Variants in TRPM7 observed in about 807,000 individuals in gnomAD.
The protein encoded by TRPM7 is transient receptor potential cation channel subfamily M member 7.
A neutral mutation model predicts 229.7 loss-of-function variants in TRPM7; 134 were observed. The ratio of observed to expected loss-of-function variants is 0.58; its 90% confidence interval spans 0.51 to 0.67. The LOEUF (loss-of-function observed/expected upper bound fraction) is 0.67, where lower values mean the gene tolerates loss of function less well. TRPM7 is among the 30% of genes least tolerant of loss of function. TRPM7 has a pLI of 0.00. For synonymous variants in TRPM7, 699 were observed against 715.2 expected (o/e 0.98, Z 0.36); for missense variants, 1,901 against 2,210.0 (o/e 0.86, Z 2.80).
chr15:50,670,228 C>T (rs941341686), intron 1 of TRPM7, among the ~76,000 whole-genome samples: 1 of 152,012 alleles, frequency 6.6e-6, no homozygotes, highest in African/African-American at 2.4e-5. Flanking sequence ...GAAGGATTCT[C>T]TTATAAAAGA....
Position 50,560,839 on chromosome 15 carries a change from G to C in TRPM7, c.*839C>G, listed in dbSNP as rs2053281820. The C allele has an allele frequency of 6.6e-6, 1 of 152,598 alleles. No homozygotes were observed. Among genetic ancestry groups the C allele is most frequent in the African/African-American group, 2.4e-5 (1 of 41,452 alleles). The allele number at this position is 152,598 out of a possible 1,614,324, so 9.5% of individuals were successfully genotyped here. The stretch of plus-strand genomic sequence containing the variant: ...AGAAGTTTGTAAGTTCTGGGTTGTT[G>C]CTATAGATACAGATAGGGAAAAAAG... On this transcript the variant is annotated 3_prime_UTR_variant, in exon 39 of 39. Transcript: ENST00000646667.
In TRPM7 at chr15:50,686,673, A is replaced by C. The variant is rs1290392387; in HGVS notation, c.-140T>G. 1 of 1,154,614 alleles carries C rather than the reference A, an allele frequency of 8.7e-7. No homozygotes were observed. Among genetic ancestry groups the C allele is most frequent in the Non-Finnish European group, 1.2e-6 (1 of 827,472 alleles). The allele number at this position is 1,154,614 out of a possible 1,614,324, so 71.5% of individuals were successfully genotyped here. A position where few individuals can be genotyped will look rare whatever the true frequency, so the allele number is the denominator to read the frequency against. Reference sequence around the variant, plus strand: ...GGAACGCCCAGGGAAACCTTCTCAGAACTAACTCAGCTCCGGCGCTAGCAG... The same window carrying C: ...GGAACGCCCAGGGAAACCTTCTCAGCACTAACTCAGCTCCGGCGCTAGCAG... On this transcript the variant is annotated 5_prime_UTR_variant, in exon 1 of 39. Coordinates refer to ENST00000646667, the MANE Select transcript of TRPM7 (RefSeq NM_017672.6).
At chr15:50,679,202 G>A (rs1325944484) in intron 1 of TRPM7, among the ~76,000 whole-genome samples, 3 of 134,748 alleles carry the variant, frequency 2.2e-5, no homozygotes, top group Non-Finnish European at 3.2e-5. Flanking sequence ...CAGGTTGGTG[G>A]TATGGGCCTG....
chr15:50,611,279 G>A lies in TRPM7; in HGVS notation c.2094C>T (p.Phe698=), dbSNP rs779890607. The change falls in exon 17 of 39, where the codon TTC becomes TTT. Residue 698 remains phenylalanine, a synonymous_variant. Transcript: ENST00000646667. Reference sequence around the variant, plus strand: ...TCATAGCCATGGTTTCATCTTGTCTGAAGGACTGTTCTAATAATTCAACGG... The same window carrying A: ...TCATAGCCATGGTTTCATCTTGTCTAAAGGACTGTTCTAATAATTCAACGG... ...QLAVELLEQS[F]RQDETMAMKL... 2 of 1,613,866 alleles carry A rather than the reference G, an allele frequency of 1.2e-6. No individual in the cohort carries two copies. The highest frequency in any genetic ancestry group is 1.7e-6 in the Non-Finnish European group (2 of 1,179,896).
intron 1 of TRPM7, among the ~76,000 whole-genome samples, chr15:50,675,750 A>C (rs1169968974): frequency 6.6e-6 from 1 of 152,224 alleles, no homozygotes; most frequent in Non-Finnish European, 1.5e-5. Context: ...CTACAAACAC[A>C]AATCTGAAAA....
rs779398000 is a variant in TRPM7 at position 50,574,305 on chromosome 15, T to G, written c.5277A>C (p.Thr1759=). 1.2e-6 allele frequency: 2 copies of G among 1,613,860 alleles called. No homozygotes were observed. Among genetic ancestry groups the G allele is most frequent in the African/African-American group, 2.7e-5 (2 of 74,904 alleles). The change falls in exon 36 of 39, where the codon ACA becomes ACC. Residue 1759 remains threonine (T), a synonymous_variant. Transcript: ENST00000646667. The part of the protein sequence containing the change: ...LAFSHWTYEY[T]RGELLVLDLQ... The stretch of plus-strand genomic sequence containing the variant: ...AATCAAGTACCAGTAACTCCCCTCT[T>G]GTATATTCGTAAGTCCAGTGGCTAA...
At position 50,592,270 on chromosome 15, in the gene TRPM7, T is replaced by C. The variant is rs367567005; in HGVS notation, c.3965A>G (p.Asp1322Gly). The change falls in exon 26 of 39, where the codon GAC (aspartate) becomes GGC (glycine). Residue 1322 changes from aspartate (D) to glycine (G), a missense_variant. Physicochemically the swap from Asp to Gly is moderately conservative, Grantham distance 94. Transcript: ENST00000646667. ...AAATATATTACACTGGGGATCTTTG[T>C]CATCTTTCATTAAAATATTACAATG... ...PFHCNILMKD[D>G]KDPQCNIFGQ... The C allele has an allele frequency of 3.5e-5, 56 of 1,613,944 alleles. No individual in the cohort carries two copies. The African/African-American group carries it at 7.2e-4, about 21-fold the overall frequency.
In TRPM7 at chr15:50,685,158, G is replaced by C. The variant is rs553348028; in HGVS notation, c.3+1373C>G. On this transcript the variant is annotated intron_variant, in intron 1 of 38. Coordinates refer to ENST00000646667, the MANE Select transcript of TRPM7 (RefSeq NM_017672.6). ...GTAGTTCATTCTACAATGTATCTTT[G>C]CAAGTTTGAAATCTCCCATGTTGGC... is the stretch of plus-strand genomic sequence containing the variant. 3.3e-5 allele frequency among the ~76,000 whole-genome samples: 5 copies of C among 152,330 alleles called. No individual in the cohort carries two copies. In the East Asian group the frequency reaches 5.8e-4, roughly 18 times the overall value.
chr15:50,639,495 G>T lies in TRPM7; in HGVS notation c.589C>A (p.Arg197=). The change falls in exon 6 of 39, where the codon CGA becomes AGA. Residue 197 remains arginine, a synonymous_variant. Transcript: ENST00000646667. Reference sequence around the variant, plus strand: ...GCTATTCCGATAGTGCAAATCTTTCGAGATGATCTGGAAGCATGTTCTTTG... The same window carrying T: ...GCTATTCCGATAGTGCAAATCTTTCTAGATGATCTGGAAGCATGTTCTTTG... ...ALKEHASRSS[R]KICTIGIAPW... 6.2e-7 allele frequency: 1 copy of T among 1,611,332 alleles called. No homozygotes were observed. Among genetic ancestry groups the T allele is most frequent in the Non-Finnish European group, 8.5e-7 (1 of 1,178,252 alleles).
chr15:50,622,904 G>C (rs2060452232), intron 12 of TRPM7, among the ~76,000 whole-genome samples: 1 of 151,928 alleles, frequency 6.6e-6, no homozygotes, highest in Non-Finnish European at 1.5e-5. Flanking sequence ...AAAAAAAAGG[G>C]AGAAAATGAG....
intron 7 of TRPM7, among the ~76,000 whole-genome samples, chr15:50,637,129 GAA>G (rs34279292): frequency 3.0e-5 from 4 of 133,218 alleles, no homozygotes; most frequent in Non-Finnish European, 1.6e-5. Flanking sequence ...CCGCCTCAAA[GAA>G]AAAAAAAAAA....
intron 12 of TRPM7, among the ~76,000 whole-genome samples, chr15:50,623,261 A>C (rs759109650): frequency 2.6e-5 from 4 of 151,288 alleles, no homozygotes; most frequent in Non-Finnish European, 4.4e-5. Context: ...AAAACACAAA[A>C]ATTAGCTGGG....
intron 29 of TRPM7, among the ~76,000 whole-genome samples, chr15:50,581,841 C>A (rs192569441): frequency 6.6e-6 from 1 of 152,108 alleles, no homozygotes; most frequent in Admixed American, 6.5e-5. Flanking sequence ...TGTCTCTTTA[C>A]CTTTAATATA....
At chr15:50,617,908 C>T (rs529564377) in intron 13 of TRPM7, among the ~76,000 whole-genome samples, 3 of 152,254 alleles carry the variant, frequency 2.0e-5, no homozygotes, top group Admixed American at 6.5e-5. Context: ...ATCCACTCAC[C>T]TCAGACTACC....
chr15:50,590,232 T>C (rs1027721103), intron 26 of TRPM7, among the ~76,000 whole-genome samples: 1 of 151,496 alleles, frequency 6.6e-6, no homozygotes, highest in African/African-American at 2.4e-5. Flanking sequence ...TATGAATAAA[T>C]AGCTCGAAAT....
In TRPM7 at chr15:50,557,182, T is replaced by C. The variant is rs1277409240; in HGVS notation, c.*4496A>G. On this transcript the variant is annotated 3_prime_UTR_variant, in exon 39 of 39. Coordinates refer to ENST00000646667, the MANE Select transcript of TRPM7 (RefSeq NM_017672.6). The stretch of plus-strand genomic sequence containing the variant: ...CTTTCAAGTGGTAAATAGCCATTTA[T>C]TGAGTATTCTTGCTTTGATTGTCTA... 4 of 152,374 alleles carry C rather than the reference T, an allele frequency of 2.6e-5. No individual in the cohort carries two copies. Among genetic ancestry groups the C allele is most frequent in the African/African-American group, 4.8e-5 (2 of 41,596 alleles). The allele number at this position is 152,374 out of a possible 1,614,324, so 9.4% of individuals were successfully genotyped here. A position where few individuals can be genotyped will look rare whatever the true frequency, so the allele number is the denominator to read the frequency against.
intron 3 of TRPM7, among the ~76,000 whole-genome samples, chr15:50,651,916 A>C (rs1393063850): frequency 6.6e-6 from 1 of 151,932 alleles, no homozygotes. Flanking sequence ...AATAAATAAA[A>C]TAATAATTTT....
chr15:50,623,491 C>G (rs1159738657), intron 12 of TRPM7, among the ~76,000 whole-genome samples: 3 of 140,172 alleles, frequency 2.1e-5, no homozygotes, highest in African/African-American at 8.3e-5. Context: ...TGCCCCGCCC[C>G]CTCCCCGCCC....
At chr15:50,578,717 G>A in intron 30 of TRPM7, 53 bp from the exon 31 acceptor site, 1 of 1,369,158 alleles carries the variant, frequency 7.3e-7, no homozygotes, top group South Asian at 1.8e-5. Flanking sequence ...TTAAGTTTTG[G>A]CTATCATTTA....
Sources: gnomAD v4.1 joint callset for allele counts (sites outside exome capture counted in the v4.1 genomes callset) on GRCh38, gnomAD v4.1.1 for gene constraint, MANE v1.5 for transcripts, NCBI Gene and HGNC (gene_info 2026-07-23, HGNC 2026-07-21) for gene names.